ACVR1C: variants seen among roughly 807,000 people sequenced by gnomAD.
The protein encoded by ACVR1C is activin receptor type-1C.
A neutral mutation model predicts 57.9 loss-of-function variants in ACVR1C; 23 were observed. That is an observed-to-expected ratio of 0.40 (90% confidence interval 0.29 to 0.56). The LOEUF is 0.56. ACVR1C is among the 20% of genes least tolerant of loss of function. The probability of loss-of-function intolerance (pLI) is 0.50; values close to 1 mark genes in which losing one functional copy is unlikely to be tolerated. For synonymous variants in ACVR1C, 214 were observed against 215.3 expected (o/e 0.99, Z 0.05); for missense variants, 480 against 607.9 (o/e 0.79, Z 2.21).
intron 2 of ACVR1C, among the ~76,000 whole-genome samples, chr2:157,562,152 C>T (rs1354887400): frequency 1.3e-5 from 2 of 151,680 alleles, no homozygotes; most frequent in South Asian, 2.1e-4. Context: ...AAAAATTAGC[C>T]GGGCATGGTG....
At chr2:157,628,008 T>C (rs1202644960) in intron 1 of ACVR1C, among the ~76,000 whole-genome samples, 1 of 152,228 alleles carries the variant, frequency 6.6e-6, no homozygotes. Flanking sequence ...GAAAGCAATG[T>C]GCGTTGCAAA....
chr2:157,542,152 T>C (rs1440199514), intron 6 of ACVR1C, among the ~76,000 whole-genome samples: 1 of 152,182 alleles, frequency 6.6e-6, no homozygotes, highest in Non-Finnish European at 1.5e-5. Flanking sequence ...TACATATCAA[T>C]TTGGGAGATT....
At chr2:157,589,979 A>G (rs1445597280) in intron 1 of ACVR1C, among the ~76,000 whole-genome samples, 2 of 151,922 alleles carry the variant, frequency 1.3e-5, no homozygotes, top group African/African-American at 4.8e-5. Flanking sequence ...GGATAGCTAC[A>G]CATAGAAAAA....
chr2:157,611,234 C>T (rs1682525376), intron 1 of ACVR1C, among the ~76,000 whole-genome samples: 1 of 152,108 alleles, frequency 6.6e-6, no homozygotes, highest in Non-Finnish European at 1.5e-5. Context: ...AGGGCCCTTC[C>T]TCTTTGACTT....
chr2:157,534,519 C>T (rs4664888), intron 8 of ACVR1C, among the ~76,000 whole-genome samples: 129,644 of 152,000 alleles, frequency 0.85, 55,523 homozygotes, highest in East Asian at 0.91. Context: ...TTCCCTGTAT[C>T]TTGATGTTGG....
At chr2:157,584,800 C>T (rs1053519121) in intron 2 of ACVR1C, among the ~76,000 whole-genome samples, 1 of 152,042 alleles carries the variant, frequency 6.6e-6, no homozygotes, top group Admixed American at 6.5e-5. Context: ...AACAGCTTTG[C>T]GAATAACAGC....
intron 8 of ACVR1C, 107 bp downstream of exon 8, chr2:157,538,466 C>G: frequency 9.1e-7 from 1 of 1,097,802 alleles, no homozygotes; most frequent in Non-Finnish European, 1.2e-6. Flanking sequence ...AGACGTATGT[C>G]TACATATATG....
chr2:157,551,749 C>T (rs978484760), intron 3 of ACVR1C, among the ~76,000 whole-genome samples: 3 of 152,162 alleles, frequency 2.0e-5, no homozygotes, highest in Non-Finnish European at 4.4e-5. Context: ...TGTTTTTGTA[C>T]TCAGACAGCT....
intron 3 of ACVR1C, among the ~76,000 whole-genome samples, chr2:157,553,565 C>G (rs1404742315): frequency 6.6e-6 from 1 of 152,150 alleles, no homozygotes; most frequent in Non-Finnish European, 1.5e-5. Context: ...ATCCCAGTCT[C>G]TAGCATTAAA....
At chr2:157,588,048 C>A (rs1473991025) in intron 1 of ACVR1C, among the ~76,000 whole-genome samples, 1 of 151,986 alleles carries the variant, frequency 6.6e-6, no homozygotes, top group African/African-American at 2.4e-5. Flanking sequence ...AGAACGTATA[C>A]TAGAATGAAT....
At chr2:157,601,147 A>C (rs1210218085) in intron 1 of ACVR1C, among the ~76,000 whole-genome samples, 1 of 151,748 alleles carries the variant, frequency 6.6e-6, no homozygotes, top group African/African-American at 2.4e-5. Flanking sequence ...TTAAAACCCC[A>C]TCTCTACTAA....
chr2:157,619,155 A>G (rs1682713488), intron 1 of ACVR1C, among the ~76,000 whole-genome samples: 1 of 151,914 alleles, frequency 6.6e-6, no homozygotes. Flanking sequence ...AGACTATAAA[A>G]CAAACACAAA....
At chr2:157,557,170 A>C (rs576948075) in intron 2 of ACVR1C, among the ~76,000 whole-genome samples, 1 of 152,164 alleles carries the variant, frequency 6.6e-6, no homozygotes, top group East Asian at 1.9e-4. Flanking sequence ...GCTACAAAAA[A>C]AAAAAAGCAG....
Position 157,587,208 on chromosome 2 carries a change from T to C in ACVR1C, c.283A>G (p.Ile95Val), listed in dbSNP as rs1192513314. Residue 95 changes from isoleucine to valine, a missense_variant, in exon 2 of 9, where the codon ATA (isoleucine) becomes GTA (valine). Ile to Val is a conservative substitution (Grantham distance 29). Coordinates refer to ENST00000243349, the MANE Select transcript of ACVR1C (RefSeq NM_145259.3). ...ECCFTDFCNNITLHLPTASPN... is the reference protein window; with the variant it reads ...ECCFTDFCNNVTLHLPTASPN... ...TTACCTGTTGGAAGGTGCAGTGTTA[T>C]GTTGTTGCAAAAATCTGTGAAGCAG... 3 of 1,613,188 alleles carry C rather than the reference T, an allele frequency of 1.9e-6. No individual in the cohort carries two copies. Among genetic ancestry groups the C allele is most frequent in the South Asian group, 1.1e-5 (1 of 91,068 alleles).
chr2:157,603,232 CA>C (rs1187094966), intron 1 of ACVR1C, among the ~76,000 whole-genome samples: 3 of 152,162 alleles, frequency 2.0e-5, no homozygotes, highest in Non-Finnish European at 2.9e-5. Flanking sequence ...ATCTCTGGGA[CA>C]TAAATAAGAC....
At chr2:157,588,848 C>CATATATATATATATGTATAT (rs1553484218) in intron 1 of ACVR1C, among the ~76,000 whole-genome samples, 17 of 89,088 alleles carry the variant, frequency 1.9e-4, no homozygotes, top group Admixed American at 4.7e-4. Context: ...ACAAACACAC[C>CATATATATATATATGTATAT]ATATATATAT....
intron 8 of ACVR1C, 98 bp downstream of exon 8, chr2:157,538,475 T>A: frequency 8.6e-7 from 1 of 1,162,576 alleles, no homozygotes; most frequent in Non-Finnish European, 1.1e-6. Context: ...TCTACATATA[T>A]GGAATGAATT....
intron 2 of ACVR1C, among the ~76,000 whole-genome samples, chr2:157,581,340 T>C (rs1305702745): frequency 6.6e-6 from 1 of 151,504 alleles, no homozygotes; most frequent in Non-Finnish European, 1.5e-5. Context: ...TTTGAAAATA[T>C]GAAAAAAAGG....
intron 1 of ACVR1C, among the ~76,000 whole-genome samples, chr2:157,618,325 T>C (rs1682697750): frequency 6.6e-6 from 1 of 151,694 alleles, no homozygotes; most frequent in South Asian, 2.1e-4. Flanking sequence ...GCTTAGAAAC[T>C]AATAGTGAAA....
Sources: gnomAD v4.1 joint callset for allele counts (sites outside exome capture counted in the v4.1 genomes callset) on GRCh38, gnomAD v4.1.1 for gene constraint, MANE v1.5 for transcripts, NCBI Gene and HGNC (gene_info 2026-07-23, HGNC 2026-07-21) for gene names.